Variants in ZBTB16 observed in about 807,000 individuals in gnomAD.
ZBTB16 encodes zinc finger and BTB domain containing 16.
ZBTB16 carries 8 observed loss-of-function variants against 56.8 expected under a neutral mutation model. That is an observed-to-expected ratio of 0.14 (90% confidence interval 0.08 to 0.25). The LOEUF (loss-of-function observed/expected upper bound fraction) is 0.25, where lower values mean the gene tolerates loss of function less well. Ranked by LOEUF, ZBTB16 falls within the 10% of genes least tolerant of loss-of-function variation. ZBTB16 has a pLI of 1.00. For missense variants in ZBTB16, 625 were observed against 903.0 expected (o/e 0.69, Z 3.95); for synonymous variants, 363 against 368.5 (o/e 0.98, Z 0.17).
At chr11:114,146,813 C>T (rs1397263962) in intron 2 of ZBTB16, among the ~76,000 whole-genome samples, 1 of 147,768 alleles carries the variant, frequency 6.8e-6, no homozygotes, top group African/African-American at 2.5e-5. Context: ...CACGCCACTG[C>T]ACTCCAGCCT....
At chr11:114,207,964 G>A (rs111264090) in intron 4 of ZBTB16, among the ~76,000 whole-genome samples, 34,662 of 152,168 alleles carry the variant, frequency 0.23, 4,078 homozygotes, top group South Asian at 0.3. Flanking sequence ...GGCCCGGCTT[G>A]TCCCGAACTC....
At chr11:114,221,014 C>T (rs1268248482) in intron 4 of ZBTB16, among the ~76,000 whole-genome samples, 1 of 152,222 alleles carries the variant, frequency 6.6e-6, no homozygotes, top group Admixed American at 6.5e-5. Flanking sequence ...GTGTAAGCAT[C>T]ACGGTGATCC....
At chr11:114,224,446 C>T (rs1382617865) in intron 4 of ZBTB16, among the ~76,000 whole-genome samples, 1 of 152,108 alleles carries the variant, frequency 6.6e-6, no homozygotes, top group Non-Finnish European at 1.5e-5. Flanking sequence ...GAACAGTTTT[C>T]ATATACAGTA....
intron 4 of ZBTB16, among the ~76,000 whole-genome samples, chr11:114,218,032 G>A (rs1046006071): frequency 3.3e-5 from 5 of 152,012 alleles, no homozygotes; most frequent in African/African-American, 1.2e-4. Context: ...CCCTGGCCCT[G>A]GGGTAGGAGA....
At chr11:114,127,982 C>T (rs974532204) in intron 2 of ZBTB16, among the ~76,000 whole-genome samples, 2 of 152,120 alleles carry the variant, frequency 1.3e-5, no homozygotes, top group Non-Finnish European at 2.9e-5. Context: ...CTTCCTCCAT[C>T]CCCAGCCTCC....
chr11:114,175,418 C>T (rs1258976702), intron 3 of ZBTB16, among the ~76,000 whole-genome samples: 2 of 152,130 alleles, frequency 1.3e-5, no homozygotes, highest in African/African-American at 4.8e-5. Flanking sequence ...GTTAATTCTC[C>T]CAACAACTCT....
intron 2 of ZBTB16, among the ~76,000 whole-genome samples, chr11:114,151,370 A>C (rs935735500): frequency 6.6e-6 from 1 of 152,186 alleles, no homozygotes; most frequent in African/African-American, 2.4e-5. Flanking sequence ...GCTGAAAACA[A>C]GGACAACATC....
intron 2 of ZBTB16, among the ~76,000 whole-genome samples, chr11:114,082,573 G>A (rs7937353): frequency 0.027 from 4,167 of 152,280 alleles, 177 homozygotes; most frequent in East Asian, 0.18. Context: ...CTAGGCATGT[G>A]TCTGACTGCC....
intron 2 of ZBTB16, among the ~76,000 whole-genome samples, chr11:114,070,625 A>C (rs1421699423): frequency 3.9e-5 from 6 of 152,184 alleles, no homozygotes; most frequent in African/African-American, 4.8e-5. Context: ...GCACCAGGCC[A>C]TATAAGAACA....
At chr11:114,158,703 G>A (rs1942492375) in intron 3 of ZBTB16, among the ~76,000 whole-genome samples, 1 of 152,210 alleles carries the variant, frequency 6.6e-6, no homozygotes, top group South Asian at 2.1e-4. Flanking sequence ...ATCCTCATCT[G>A]TAAAATGAAA....
At position 114,060,894 on chromosome 11, in the gene ZBTB16, C is replaced by T. The variant is rs889872653; in HGVS notation, c.-91+1012C>T. ...TCGGAGAGGGAGGGCGGGCAGACCC[C>T]TTCTCGCCTTTCCTCCCACAACTCG... is the stretch of plus-strand genomic sequence containing the variant. On this transcript the variant is annotated intron_variant, in intron 1 of 6. Coordinates refer to ENST00000335953, the MANE Select transcript of ZBTB16 (RefSeq NM_006006.6). The surrounding 1 kb of genome is among the most constrained non-coding windows in gnomAD (Gnocchi z 6.0). Among the ~76,000 whole-genome samples the T allele has an allele frequency of 6.6e-5, 10 of 152,212 alleles. No individual in the cohort carries two copies. In the East Asian group the frequency reaches 1.8e-3, roughly 27 times the overall value.
chr11:114,108,760 C>CT (rs373612783), intron 2 of ZBTB16, among the ~76,000 whole-genome samples: 80 of 152,344 alleles, frequency 5.3e-4, no homozygotes, highest in African/African-American at 1.8e-3. Flanking sequence ...GAAACTTCAG[C>CT]TTTACAGAGA....
At chr11:114,172,737 G>A (rs537556579) in intron 3 of ZBTB16, among the ~76,000 whole-genome samples, 3 of 152,288 alleles carry the variant, frequency 2.0e-5, no homozygotes, top group South Asian at 4.1e-4. Context: ...CACCAAACTC[G>A]CAGGTCTTCT....
intron 2 of ZBTB16, among the ~76,000 whole-genome samples, chr11:114,134,710 G>A (rs1359968364): frequency 6.6e-6 from 1 of 152,190 alleles, no homozygotes; most frequent in African/African-American, 2.4e-5. Flanking sequence ...TGTGCTAAAA[G>A]CTTCATTATT....
At chr11:114,193,894 A>G (rs1039763801) in intron 4 of ZBTB16, among the ~76,000 whole-genome samples, 6 of 152,218 alleles carry the variant, frequency 3.9e-5, no homozygotes, top group Admixed American at 1.3e-4. Context: ...AGATGAGACC[A>G]TGGAGGCCTA....
chr11:114,200,278 T>C (rs114157360), intron 4 of ZBTB16, among the ~76,000 whole-genome samples: 1,765 of 152,322 alleles, frequency 0.012, 34 homozygotes, highest in African/African-American at 0.038. Flanking sequence ...TAGACAAGAA[T>C]TCCTCCACTT....
chr11:114,186,069 G>A (rs1195288215), intron 3 of ZBTB16, among the ~76,000 whole-genome samples: 1 of 152,162 alleles, frequency 6.6e-6, no homozygotes, highest in African/African-American at 2.4e-5. Context: ...TTAAAATGGA[G>A]CACATAAAGG....
chr11:114,164,827 G>A (rs1410537236), intron 3 of ZBTB16, among the ~76,000 whole-genome samples: 1 of 152,108 alleles, frequency 6.6e-6, no homozygotes, highest in Non-Finnish European at 1.5e-5. Flanking sequence ...CCAGGTCTCT[G>A]TGGTGGCAGG....
At position 114,242,216 on chromosome 11, in the gene ZBTB16, G is replaced by T. The variant is rs145667225; in HGVS notation, c.1503G>T (p.Ala501=). The T allele has an allele frequency of 1.9e-6, 3 of 1,613,868 alleles. No individual in the cohort carries two copies. Among genetic ancestry groups the T allele is most frequent in the African/African-American group, 1.3e-5 (1 of 75,076 alleles). Residue 501 remains alanine (A), a synonymous_variant, in exon 5 of 7, where the codon GCG becomes GCT. Transcript: ENST00000335953. ...FCLLCGKRFQ[A]QSALQQHMEV... ...TGCTGTGTGGGAAGCGCTTCCAGGC[G>T]CAGAGCGCACTGCAGCAGCACATGG...
Sources: allele counts gnomAD v4.1 joint callset (sites outside exome capture counted in the v4.1 genomes callset), GRCh38; gene constraint gnomAD v4.1.1; non-coding constraint Gnocchi (gnomAD v3.1); transcripts MANE v1.5; gene names NCBI Gene and HGNC (gene_info 2026-07-23, HGNC 2026-07-21).